MLIP: variants seen among roughly 807,000 people sequenced by gnomAD.
The protein encoded by MLIP is muscular LMNA-interacting protein.
Under a neutral mutation model 84.8 loss-of-function variants are expected in MLIP, and 79 were observed. That is an observed-to-expected ratio of 0.93 (90% CI 0.78 to 1.12). The LOEUF (loss-of-function observed/expected upper bound fraction) is 1.12. Among genes scored for constraint, MLIP ranks in the 50% most tolerant of loss-of-function variants. The pLI, the probability that MLIP is intolerant of heterozygous loss-of-function variation, is 0.00. For missense variants in MLIP, 1,257 were observed against 1,160.6 expected, an observed-to-expected ratio of 1.08 and a Z score of -1.21; for synonymous variants, 504 against 463.0, an observed-to-expected ratio of 1.09 and a Z score of -1.14.
At chr6:54,144,680 A>G (rs559686655) in intron 4 of MLIP, among the ~76,000 whole-genome samples, 5 of 152,302 alleles carry the variant, frequency 3.3e-5, no homozygotes, top group African/African-American at 7.2e-5. Flanking sequence ...GTTTGGCCCA[A>G]TTCCTAACAG....
chr6:54,120,941 A>G (rs761796278), intron 1 of MLIP, among the ~76,000 whole-genome samples: 1 of 152,220 alleles, frequency 6.6e-6, no homozygotes. Flanking sequence ...AGGAGAAGGT[A>G]TATCTTTAAG....
At chr6:54,071,667 C>T (rs1278698551) in intron 1 of MLIP, among the ~76,000 whole-genome samples, 1 of 152,056 alleles carries the variant, frequency 6.6e-6, no homozygotes, top group Non-Finnish European at 1.5e-5. Context: ...ATTAAGTAAA[C>T]ATATAGATTG....
At chr6:54,037,806 C>T (rs750940401) in intron 1 of MLIP, among the ~76,000 whole-genome samples, 1 of 151,914 alleles carries the variant, frequency 6.6e-6, no homozygotes, top group Non-Finnish European at 1.5e-5. Flanking sequence ...GTGCTTAAGG[C>T]ATCATATTGG....
In MLIP at chr6:54,136,811, G is replaced by A. The variant is rs1771836084; in HGVS notation, c.742G>A (p.Val248Ile). ...TAATCCGAACACACCACCCGACCCAGTTAACCTCGAGGGAGCCTCTGTCCT... is the reference window on the plus strand; with the variant it reads ...TAATCCGAACACACCACCCGACCCAATTAACCTCGAGGGAGCCTCTGTCCT... Reference protein sequence around the residue: ...PTNPNTPPDPVNLEGASVLEE... With the variant: ...PTNPNTPPDPINLEGASVLEE... Residue 248 changes from valine (V) to isoleucine (I), a missense_variant, in exon 4 of 14, where the codon GTT becomes ATT. Val to Ile is a conservative substitution (Grantham distance 29). Coordinates refer to ENST00000502396, the MANE Select transcript of MLIP (RefSeq NM_001281747.2). 3 of 1,529,972 alleles carry A rather than the reference G, an allele frequency of 2.0e-6. No homozygotes were observed. The African/African-American group carries it at 4.1e-5, about 21-fold the overall frequency. 94.8% of individuals were successfully genotyped at this position (1,529,972 alleles called of 1,614,324 possible).
chr6:54,071,005 G>A (rs913314018), intron 1 of MLIP, among the ~76,000 whole-genome samples: 3 of 152,062 alleles, frequency 2.0e-5, no homozygotes, highest in Admixed American at 6.5e-5. Flanking sequence ...CCCATTGAAT[G>A]CTATTCATAG....
upstream of MLIP, among the ~76,000 whole-genome samples, chr6:54,108,279 C>T (rs911181204): frequency 2.6e-5 from 4 of 152,100 alleles, no homozygotes; most frequent in Non-Finnish European, 4.4e-5. Context: ...TTATAAAATG[C>T]TTAAGGGTCT....
intron 12 of MLIP, among the ~76,000 whole-genome samples, chr6:54,238,064 T>A (rs1157899478): frequency 6.6e-6 from 1 of 152,182 alleles, no homozygotes; most frequent in Non-Finnish European, 1.5e-5. Context: ...TATTTTTTTA[T>A]CTTTGAAGGT....
intron 1 of MLIP, chr6:54,032,546 A>G (rs1008277815): frequency 6.6e-6 from 1 of 151,022 alleles, no homozygotes; most frequent in Non-Finnish European, 1.5e-5. Flanking sequence ...TCAAGAAGTA[A>G]AAGGGATTTT....
Position 54,259,035 on chromosome 6 carries a change from G to A in MLIP, c.2976+1674G>A, listed in dbSNP as rs181967247. 4.6e-5 allele frequency among the ~76,000 whole-genome samples: 7 copies of A among 151,512 alleles called. No homozygotes were observed. The East Asian group carries it at 1.4e-3, about 29-fold the overall frequency. ...TTTTAAAATCACGTTTAAAATACTT[G>A]CCAAATTAAAAGGGAAAGTTACTTT... On this transcript the variant is annotated intron_variant, in intron 13 of 13. Transcript: ENST00000502396.
intron 12 of MLIP, among the ~76,000 whole-genome samples, chr6:54,247,544 A>G (rs1487483406): frequency 6.6e-6 from 1 of 152,134 alleles, no homozygotes; most frequent in Non-Finnish European, 1.5e-5. Context: ...GGGTGTACTG[A>G]CAGTTTAAAG....
chr6:54,039,358 A>C (rs1326713558), intron 1 of MLIP, among the ~76,000 whole-genome samples: 1 of 151,922 alleles, frequency 6.6e-6, no homozygotes, highest in Non-Finnish European at 1.5e-5. Context: ...ACTGAAGAGG[A>C]ATAAGTATGT....
rs1298868778 is a variant in MLIP at position 54,065,872 on chromosome 6, G to C, written c.63+46781G>C. ...ATAATCTTTTCAGTAGCAGAAAATG[G>C]ATTTCTGACTCTGTTAACTGTATGT... On this transcript the variant is annotated intron_variant, in intron 1 of 12. Transcript: ENST00000274897. Among the ~76,000 whole-genome samples the C allele has an allele frequency of 2.2e-5, 2 of 92,858 alleles. 1 individual carries two copies. The highest frequency in any genetic ancestry group is 5.2e-5 in the African/African-American group (2 of 38,200). 60.9% of individuals were successfully genotyped at this position (92,858 alleles called of 152,430 possible). A position where few individuals can be genotyped will look rare whatever the true frequency, so the allele number is the denominator to read the frequency against.
chr6:54,086,392 A>G (rs1767492392), intron 1 of MLIP, among the ~76,000 whole-genome samples: 1 of 152,130 alleles, frequency 6.6e-6, no homozygotes, highest in South Asian at 2.1e-4. Context: ...TTATGTGTGT[A>G]TGTTTAATTT....
chr6:54,217,418 G>C, intron 11 of MLIP: 1 of 985,344 alleles, frequency 1.0e-6, no homozygotes, highest in African/African-American at 1.7e-5. Flanking sequence ...TAGAAAGTAG[G>C]CTTTTTCTAG....
chr6:54,096,888 G>A (rs1768252680), intron 1 of MLIP, among the ~76,000 whole-genome samples: 1 of 152,190 alleles, frequency 6.6e-6, no homozygotes, highest in Non-Finnish European at 1.5e-5. Context: ...GTTTTTAGAT[G>A]AGACGGAGAG....
chr6:54,058,221 CCCTTT>C (rs1765772487), intron 1 of MLIP, among the ~76,000 whole-genome samples: 2 of 152,090 alleles, frequency 1.3e-5, no homozygotes, highest in South Asian at 2.1e-4. Flanking sequence ...GTCTTTACTT[CCCTTT>C]CAAGTATCAA....
At chr6:54,182,662 G>A (rs1777002144) in intron 9 of MLIP, among the ~76,000 whole-genome samples, 1 of 152,084 alleles carries the variant, frequency 6.6e-6, no homozygotes, top group African/African-American at 2.4e-5. Flanking sequence ...TATGAACTTT[G>A]TAGAGGGAAT....
At chr6:54,084,595 G>A (rs1197412283) in intron 1 of MLIP, among the ~76,000 whole-genome samples, 1 of 152,104 alleles carries the variant, frequency 6.6e-6, no homozygotes, top group East Asian at 1.9e-4. Context: ...TACAATAGCT[G>A]GGAACCTTTT....
chr6:54,254,322 T>A (rs1222169661), intron 12 of MLIP, among the ~76,000 whole-genome samples: 2 of 151,916 alleles, frequency 1.3e-5, no homozygotes, highest in African/African-American at 4.8e-5. Context: ...AGATGGGGTT[T>A]TACCATGTTG....
Sources: allele counts gnomAD v4.1 joint callset (sites outside exome capture counted in the v4.1 genomes callset), GRCh38; gene constraint gnomAD v4.1.1; transcripts MANE v1.5; gene names NCBI Gene and HGNC (gene_info 2026-07-23, HGNC 2026-07-21).